GNAT3: variants seen among roughly 807,000 people sequenced by gnomAD.
GNAT3 encodes the protein G protein subunit alpha transducin 3, also known as guanine nucleotide-binding protein G(t) subunit alpha-3.
Under a neutral mutation model 37.7 loss-of-function variants are expected in GNAT3, and 31 were observed. The ratio of observed to expected loss-of-function variants is 0.82; its 90% confidence interval spans 0.62 to 1.11. The LOEUF (loss-of-function observed/expected upper bound fraction) is 1.11. Among genes scored for constraint, GNAT3 ranks in the 50% most tolerant of loss-of-function variants. GNAT3 has a pLI of 0.00. For synonymous variants in GNAT3, 138 were observed against 139.8 expected (o/e 0.99, Z 0.09); for missense variants, 437 against 412.5 (o/e 1.06, Z -0.51).
chr7:80,461,681 T>G (rs960947514), intron 7 of GNAT3, among the ~76,000 whole-genome samples: 5 of 152,148 alleles, frequency 3.3e-5, no homozygotes, highest in Admixed American at 1.3e-4. Flanking sequence ...GGATTAGCAC[T>G]AAAATTCCAG....
Position 80,474,454 on chromosome 7 carries a change from C to A in GNAT3, c.462-75G>T, listed in dbSNP as rs902359091. On this transcript the variant is annotated intron_variant, in intron 4 of 7. Coordinates refer to ENST00000398291, the MANE Select transcript of GNAT3 (RefSeq NM_001102386.3). ...ACATACATATATGTATATATACACA[C>A]ATACATACATATATATGTGTGTGTA... 73 of 605,070 alleles carry A rather than the reference C, an allele frequency of 1.2e-4. 2 individuals carry two copies. The Middle Eastern group carries it at 1.7e-3, about 14-fold the overall frequency. 37.5% of individuals were successfully genotyped at this position (605,070 alleles called of 1,614,324 possible).
chr7:80,496,571 A>G (rs1244886128), intron 1 of GNAT3, among the ~76,000 whole-genome samples: 1 of 152,222 alleles, frequency 6.6e-6, no homozygotes, highest in Non-Finnish European at 1.5e-5. Flanking sequence ...TTATTTAAAA[A>G]TGTTCCTTTC....
At chr7:80,493,222 G>T (rs1179143699) in intron 2 of GNAT3, among the ~76,000 whole-genome samples, 1 of 151,990 alleles carries the variant, frequency 6.6e-6, no homozygotes, top group African/African-American at 2.4e-5. Flanking sequence ...GTTCAAGCAT[G>T]ATCACAGCCT....
At chr7:80,497,616 A>ATATACGTATATACG in intron 1 of GNAT3, among the ~76,000 whole-genome samples, 2 of 117,532 alleles carry the variant, frequency 1.7e-5, no homozygotes, top group Admixed American at 1.5e-4. Context: ...ACGTATATAC[A>ATATACGTATATACG]TATACGTATA....
chr7:80,463,677 C>A (rs1313574792), intron 5 of GNAT3, among the ~76,000 whole-genome samples: 1 of 151,780 alleles, frequency 6.6e-6, no homozygotes, highest in Non-Finnish European at 1.5e-5. Flanking sequence ...AGGTCAGGAA[C>A]GTTATCTGTA....
intron 3 of GNAT3, chr7:80,486,319 A>C (rs1348074162): frequency 6.6e-6 from 1 of 152,158 alleles, no homozygotes; most frequent in African/African-American, 2.4e-5. Flanking sequence ...TATGCCATTC[A>C]ATGTACAGTT....
intron 1 of GNAT3, among the ~76,000 whole-genome samples, chr7:80,508,489 A>T (rs1162225282): frequency 6.6e-6 from 1 of 152,018 alleles, no homozygotes; most frequent in African/African-American, 2.4e-5. Flanking sequence ...ATCCGTTAGA[A>T]TTTGTTTTTC....
At chr7:80,507,512 C>T (rs189454580) in intron 1 of GNAT3, among the ~76,000 whole-genome samples, 1 of 151,822 alleles carries the variant, frequency 6.6e-6, no homozygotes, top group African/African-American at 2.4e-5. Context: ...AAGAATAAAC[C>T]ACGTTTGTCT....
intron 5 of GNAT3, among the ~76,000 whole-genome samples, chr7:80,469,297 A>T (rs1790172089): frequency 6.6e-6 from 1 of 152,144 alleles, no homozygotes; most frequent in Non-Finnish European, 1.5e-5. Flanking sequence ...TATAGTTTTA[A>T]GTCCTTTCAA....
intron 3 of GNAT3, among the ~76,000 whole-genome samples, chr7:80,482,442 C>A (rs770569427): frequency 1.8e-4 from 27 of 152,060 alleles, no homozygotes; most frequent in Non-Finnish European, 3.5e-4. Context: ...TATACTGTTT[C>A]ATTTCTTTCT....
chr7:80,469,424 A>G (rs1284171630), intron 5 of GNAT3, among the ~76,000 whole-genome samples: 4 of 152,180 alleles, frequency 2.6e-5, no homozygotes, highest in Admixed American at 2.6e-4. Context: ...CTGTAACAAT[A>G]GGAGGGCTCA....
intron 4 of GNAT3, among the ~76,000 whole-genome samples, chr7:80,476,642 A>G (rs1477484097): frequency 6.6e-6 from 1 of 151,780 alleles, no homozygotes; most frequent in Non-Finnish European, 1.5e-5. Flanking sequence ...GAAGTATCTT[A>G]CTTTTACCAG....
At chr7:80,502,463 TGTTCATTA>T (rs1266444152) in intron 1 of GNAT3, among the ~76,000 whole-genome samples, 12 of 150,334 alleles carry the variant, frequency 8.0e-5, no homozygotes, top group African/African-American at 3.0e-4. Context: ...TTTGTCTAAG[TGTTCATTA>T]ATTGTGGGAA....
rs377072225 is a variant in GNAT3 at position 80,475,527 on chromosome 7, A to G, written c.462-1148T>C. Reference sequence around the variant, plus strand: ...TAATGCCTTTATGACAAATTTCGCCATTACACTGAACCACATTTATAGAAA... The same window carrying G: ...TAATGCCTTTATGACAAATTTCGCCGTTACACTGAACCACATTTATAGAAA... On this transcript the variant is annotated intron_variant, in intron 4 of 7. Coordinates refer to ENST00000398291, the MANE Select transcript of GNAT3 (RefSeq NM_001102386.3). 1.1e-4 allele frequency among the ~76,000 whole-genome samples: 17 copies of G among 152,094 alleles called. 2 individuals carry two copies. Among genetic ancestry groups the G allele is most frequent in the Admixed American group, 8.5e-4 (13 of 15,258 alleles).
Position 80,462,201 on chromosome 7 carries a change from C to T in GNAT3, c.832G>A (p.Val278Ile). ...LNKKDIFQEK[V>I]TKVHLSICFP... ...CAGATACTAAGATGCACCTTGGTTA[C>T]CTTTTCTTGAAAGATATCTTTTTTG... The change falls in exon 7 of 8, where the codon GTA (valine) becomes ATA (isoleucine). Residue 278 changes from valine (V) to isoleucine (I), a missense_variant. By Grantham distance (29) the Val-to-Ile change is conservative. Transcript: ENST00000398291. 6.3e-7 allele frequency: 1 copy of T among 1,596,324 alleles called. No individual in the cohort carries two copies. Among genetic ancestry groups the T allele is most frequent in the Non-Finnish European group, 8.5e-7 (1 of 1,170,084 alleles).
chr7:80,478,990 T>C lies in GNAT3; in HGVS notation c.312A>G (p.Gln104=). ...DYVNPRSAED[Q]RQLYAMANTL... ...TATTTGCCATTGCATAAAGTTGTCG[T>C]TGGTCCTCCTAGAACAATATTTTGG... Residue 104 remains glutamine (Q), a synonymous_variant, in exon 4 of 8, where the codon CAA becomes CAG. Transcript: ENST00000398291. The C allele has an allele frequency of 1.2e-6, 2 of 1,607,372 alleles. No homozygotes were observed. The highest frequency in any genetic ancestry group is 8.5e-7 in the Non-Finnish European group (1 of 1,176,772).
chr7:80,477,385 G>A (rs1790324204), intron 4 of GNAT3, among the ~76,000 whole-genome samples: 1 of 152,100 alleles, frequency 6.6e-6, no homozygotes, highest in African/African-American at 2.4e-5. Flanking sequence ...CCACTGCAGA[G>A]ATCCCTTGTA....
At position 80,507,375 on chromosome 7, in the gene GNAT3, T is replaced by C. The variant is rs1790967318; in HGVS notation, c.118+4434A>G. Among the ~76,000 whole-genome samples, 8 of 152,086 alleles carry C rather than the reference T, an allele frequency of 5.3e-5. No homozygotes were observed. The South Asian group carries it at 1.5e-3, about 28-fold the overall frequency. On this transcript the variant is annotated intron_variant, in intron 1 of 7. Transcript: ENST00000398291. ...AGCACACATAGAATAAAAATAATCA[T>C]TTAAATTTAACCTGAGTCTTGAGTC...
intron 2 of GNAT3, among the ~76,000 whole-genome samples, chr7:80,492,702 T>C (rs1790617248): frequency 6.6e-6 from 1 of 151,486 alleles, no homozygotes; most frequent in Non-Finnish European, 1.5e-5. Flanking sequence ...AGAAACATAT[T>C]TAGATCAATA....
Sources: allele counts gnomAD v4.1 joint callset (sites outside exome capture counted in the v4.1 genomes callset), GRCh38; gene constraint gnomAD v4.1.1; transcripts MANE v1.5; gene names NCBI Gene and HGNC (gene_info 2026-07-23, HGNC 2026-07-21).